The following UBR2 variants were observed in gnomAD, a reference collection of about 807,000 sequenced individuals.
The protein encoded by UBR2 is E3 ubiquitin-protein ligase UBR2.
Under a neutral mutation model 247.9 loss-of-function variants are expected in UBR2, and 92 were observed. The observed-to-expected ratio is 0.37, with a 90% CI of 0.31 to 0.44. The LOEUF is 0.44. Ranked by LOEUF, UBR2 falls within the 20% of genes least tolerant of loss-of-function variation. The pLI is 1.00. For missense variants in UBR2, 1,613 were observed against 2,112.6 expected, an observed-to-expected ratio of 0.76 and a Z score of 4.64; for synonymous variants, 672 against 693.5, an observed-to-expected ratio of 0.97 and a Z score of 0.49.
intron 11 of UBR2, among the ~76,000 whole-genome samples, chr6:42,632,069 A>AAAAAAAAAAAAAAAAATAT (rs56721828): frequency 8.8e-6 from 1 of 114,076 alleles, no homozygotes; most frequent in African/African-American, 3.4e-5. Context: ...AAAAAAAAAA[A>AAAAAAAAAAAAAAAAATAT]ATATATATAT....
intron 20 of UBR2, 88 bp from the exon 21 acceptor site, chr6:42,645,378 T>C (rs1022653690): frequency 2.9e-5 from 37 of 1,259,592 alleles, no homozygotes; most frequent in Non-Finnish European, 3.7e-5. Context: ...TAGAGAAATA[T>C]AACATGCTGC....
chr6:42,675,164 C>G (rs1358319926), intron 38 of UBR2, among the ~76,000 whole-genome samples: 1 of 152,136 alleles, frequency 6.6e-6, no homozygotes, highest in Non-Finnish European at 1.5e-5. Context: ...CTAATAAATG[C>G]GGCTATTACT....
chr6:42,567,764 A>C (rs1790869430), intron 1 of UBR2, among the ~76,000 whole-genome samples: 1 of 152,126 alleles, frequency 6.6e-6, no homozygotes, highest in Middle Eastern at 3.4e-3. Context: ...GGTTGGGAGC[A>C]CTGGCTCATG....
chr6:42,668,749 T>C (rs1423556838), intron 34 of UBR2, among the ~76,000 whole-genome samples: 2 of 151,602 alleles, frequency 1.3e-5, no homozygotes, highest in East Asian at 3.9e-4. Context: ...GCCTCATTTT[T>C]TTTAACTTTT....
intron 42 of UBR2, among the ~76,000 whole-genome samples, chr6:42,682,679 G>A (rs1199097351): frequency 1.3e-5 from 2 of 152,018 alleles, no homozygotes; most frequent in East Asian, 1.9e-4. Flanking sequence ...CTCAGCCTCC[G>A]AAAGTGCAGG....
rs373974722 is a variant in UBR2 at position 42,658,742 on chromosome 6, C to T, written c.3160C>T (p.Arg1054Trp). The change falls in exon 29 of 47, where the codon CGG becomes TGG. Residue 1054 changes from arginine to tryptophan, a missense_variant. This residue lies in a region of UBR2 where 1,524 missense variants were observed against 1,967.3 expected (regional missense o/e 0.77). Coordinates refer to ENST00000372901, the MANE Select transcript of UBR2 (RefSeq NM_001363705.2). ...CATGGCTCAGATGTCTGAAATGCAGCGGCATTTTATTGATGAAAACAAAGA... is the reference window on the plus strand; with the variant it reads ...CATGGCTCAGATGTCTGAAATGCAGTGGCATTTTATTGATGAAAACAAAGA... ...KIMAQMSEMQ[R>W]HFIDENKELF... 6.3e-5 allele frequency: 102 copies of T among 1,611,620 alleles called. No homozygotes were observed. Among genetic ancestry groups the T allele is most frequent in the Non-Finnish European group, 8.1e-5 (96 of 1,179,632 alleles).
intron 22 of UBR2, among the ~76,000 whole-genome samples, chr6:42,648,983 A>G (rs771977261): frequency 3.9e-5 from 6 of 152,148 alleles, no homozygotes; most frequent in Admixed American, 1.3e-4. Context: ...TAGTTTTTAC[A>G]TAATATACTT....
At chr6:42,626,830 C>G (rs190288996) in intron 11 of UBR2, among the ~76,000 whole-genome samples, 40 of 152,218 alleles carry the variant, frequency 2.6e-4, no homozygotes, top group Admixed American at 2.1e-3. Context: ...ACTCAGTTCC[C>G]CCTGCTCTTT....
At chr6:42,639,097 T>TG (rs1011618883) in intron 15 of UBR2, among the ~76,000 whole-genome samples, 18 of 152,160 alleles carry the variant, frequency 1.2e-4, no homozygotes, top group African/African-American at 3.9e-4. Flanking sequence ...CAAGTGCTAA[T>TG]GGAGTTTGTA....
chr6:42,682,786 T>C (rs1433905745), intron 42 of UBR2, among the ~76,000 whole-genome samples: 1 of 152,206 alleles, frequency 6.6e-6, no homozygotes, highest in East Asian at 1.9e-4. Flanking sequence ...CAAATTAATA[T>C]AGACTAGTTT....
chr6:42,631,916 T>C (rs1052585166), intron 11 of UBR2, among the ~76,000 whole-genome samples: 6 of 141,576 alleles, frequency 4.2e-5, no homozygotes, highest in African/African-American at 1.3e-4. Context: ...ATTATATATA[T>C]ATAAAATACA....
intron 1 of UBR2, 48 bp from the exon 2 acceptor site, chr6:42,573,686 T>C: frequency 7.0e-7 from 1 of 1,436,522 alleles, no homozygotes; most frequent in Non-Finnish European, 9.2e-7. Flanking sequence ...TTGTTCAAAT[T>C]AGTTTGTTGG....
Position 42,689,737 on chromosome 6 carries a change from G to A in UBR2, c.5126+67G>A. 7.2e-7 allele frequency: 1 copy of A among 1,387,648 alleles called. No homozygotes were observed. The highest frequency in any genetic ancestry group is 1.2e-5 in the South Asian group (1 of 86,302). The allele number at this position is 1,387,648 out of a possible 1,614,324, so 86.0% of individuals were successfully genotyped here. On this transcript the variant is annotated intron_variant, in intron 46 of 46. Transcript: ENST00000372901. The surrounding 1 kb of genome is among the most constrained non-coding windows in gnomAD (Gnocchi z 4.0). ...GCCCTTCCGTATGTGGTGACGTCCT[G>A]AGGGTGGAGGGCTGAGGTGGTTCTG...
intron 31 of UBR2, 45 bp downstream of exon 31, chr6:42,662,322 GC>G: frequency 8.1e-7 from 1 of 1,238,312 alleles, no homozygotes; most frequent in African/African-American, 1.5e-5. Flanking sequence ...TTATCTAAGG[GC>G]TCAATATTTT....
At position 42,573,955 on chromosome 6, in the gene UBR2, T is replaced by A. The variant is rs749388445; in HGVS notation, c.300T>A (p.Gly100=). 6 of 1,612,072 alleles carry A rather than the reference T, an allele frequency of 3.7e-6. No homozygotes were observed. The South Asian group carries it at 6.6e-5, about 18-fold the overall frequency. Residue 100 remains glycine, a synonymous_variant, in exon 2 of 47, where the codon GGT becomes GGA. Transcript: ENST00000372901. ...EQANKPSHLC[G]RVFKVGEPTY... is the part of the protein sequence containing the mutation. ...CAAACAAACCTTCTCATCTTTGTGG[T>A]CGTGTTTTTAAAGTAGGAGAGCCTA...
intron 26 of UBR2, among the ~76,000 whole-genome samples, chr6:42,657,030 T>C (rs1797476591): frequency 6.6e-6 from 1 of 151,820 alleles, no homozygotes; most frequent in African/African-American, 2.4e-5. Context: ...AGGTCAAGAG[T>C]TCGAGACCAA....
At chr6:42,676,679 G>A in intron 39 of UBR2, 104 bp from the exon 40 acceptor site, 1 of 898,046 alleles carries the variant, frequency 1.1e-6, no homozygotes, top group Non-Finnish European at 1.8e-6. Context: ...AATACTTCAT[G>A]TTATATGTGA....
In UBR2 at chr6:42,645,603, A is replaced by G. The variant is rs985498073; in HGVS notation, c.2409+13A>G. 1.2e-6 allele frequency: 2 copies of G among 1,609,682 alleles called. No homozygotes were observed. The highest frequency in any genetic ancestry group is 8.5e-7 in the Non-Finnish European group (1 of 1,178,992). On this transcript the variant is annotated intron_variant, in intron 21 of 46. Coordinates refer to ENST00000372901, the MANE Select transcript of UBR2 (RefSeq NM_001363705.2). ...TTTACCTGAAGATGTAAGTACCTAC[A>G]TTTCTAAAAAGAAAACCATAGAAAC...
At chr6:42,650,429 G>C in intron 23 of UBR2, 43 bp downstream of exon 23, 1 of 1,531,960 alleles carries the variant, frequency 6.5e-7, no homozygotes, top group Non-Finnish European at 9.0e-7. Flanking sequence ...GGATTGCATT[G>C]TTTTTCTTAA....
Sources: gnomAD v4.1 joint callset for allele counts (sites outside exome capture counted in the v4.1 genomes callset) on GRCh38, gnomAD v4.1.1 for gene constraint, gnomAD v4.1.1 regional missense constraint, Gnocchi (gnomAD v3.1) non-coding constraint, MANE v1.5 for transcripts, NCBI Gene and HGNC (gene_info 2026-07-23, HGNC 2026-07-21) for gene names.